Variants in FRMD4A observed in about 807,000 individuals in gnomAD.
FRMD4A encodes the protein FERM domain-containing protein 4A.
In FRMD4A, 29 loss-of-function variants were observed where a neutral mutation model predicts 129.1. The ratio of observed to expected loss-of-function variants is 0.22; its 90% CI spans 0.17 to 0.31. The LOEUF (loss-of-function observed/expected upper bound fraction) is 0.31. Ranked by LOEUF, FRMD4A falls within the 10% of genes least tolerant of loss-of-function variation. FRMD4A has a pLI of 1.00. For missense variants in FRMD4A, 1,272 were observed against 1,375.8 expected (o/e 0.92, Z 1.19); for synonymous variants, 634 against 571.6 (o/e 1.11, Z -1.56).
chr10:14,221,143 A>G (rs1022734497), intron 2 of FRMD4A, among the ~76,000 whole-genome samples: 2 of 152,184 alleles, frequency 1.3e-5, no homozygotes, highest in African/African-American at 2.4e-5. Context: ...GTGCAAACTC[A>G]GGTTCCTCCT....
At chr10:13,829,820 C>A (rs1432954020) in intron 3 of FRMD4A, among the ~76,000 whole-genome samples, 1 of 152,184 alleles carries the variant, frequency 6.6e-6, no homozygotes, top group African/African-American at 2.4e-5. Context: ...GCATGGATCC[C>A]CATCTTTGCT....
At chr10:14,314,828 C>T (rs1235782) in intron 2 of FRMD4A, among the ~76,000 whole-genome samples, 8,062 of 152,172 alleles carry the variant, frequency 0.053, 636 homozygotes, top group African/African-American at 0.17. Flanking sequence ...CCTCTCTATG[C>T]TTACTCATTC....
chr10:13,917,799 T>C (rs548519477), intron 2 of FRMD4A, among the ~76,000 whole-genome samples: 59 of 152,238 alleles, frequency 3.9e-4, no homozygotes, highest in Non-Finnish European at 7.4e-4. Context: ...GGACAGGAAA[T>C]CTGAGCCACA....
At chr10:14,228,988 C>T (rs972182510) in intron 2 of FRMD4A, among the ~76,000 whole-genome samples, 4 of 152,206 alleles carry the variant, frequency 2.6e-5, no homozygotes, top group East Asian at 1.9e-4. Context: ...ATATGCCCCA[C>T]GGTCTAACAC....
chr10:13,799,310 G>A (rs973530668), intron 4 of FRMD4A, among the ~76,000 whole-genome samples: 37 of 152,144 alleles, frequency 2.4e-4, no homozygotes, highest in African/African-American at 7.2e-4. Flanking sequence ...GGCGCAGGCC[G>A]CCATGCCCAG....
chr10:14,200,450 G>C (rs901706252), intron 2 of FRMD4A, among the ~76,000 whole-genome samples: 28 of 152,028 alleles, frequency 1.8e-4, no homozygotes, highest in Non-Finnish European at 2.6e-4. Flanking sequence ...CCCCCACCTT[G>C]CAAGGCTAAT....
At chr10:13,964,669 CTTTTG>C (rs2095472384) in intron 2 of FRMD4A, among the ~76,000 whole-genome samples, 1 of 115,440 alleles carries the variant, frequency 8.7e-6, no homozygotes, top group Non-Finnish European at 1.8e-5. Context: ...AATGCCTCTT[CTTTTG>C]TTTTTTTTTT....
chr10:14,063,275 C>G (rs1018749611), intron 2 of FRMD4A, among the ~76,000 whole-genome samples: 1 of 151,898 alleles, frequency 6.6e-6, no homozygotes, highest in African/African-American at 2.4e-5. Flanking sequence ...TTGAATGACT[C>G]CCAGATGTTG....
At chr10:14,169,033 G>A (rs749430440) in intron 2 of FRMD4A, among the ~76,000 whole-genome samples, 9 of 152,178 alleles carry the variant, frequency 5.9e-5, no homozygotes, top group Non-Finnish European at 1.2e-4. Flanking sequence ...TTTAATAAAT[G>A]CATCATAGTG....
At chr10:14,106,783 G>A (rs1048467732) in intron 2 of FRMD4A, among the ~76,000 whole-genome samples, 1 of 152,140 alleles carries the variant, frequency 6.6e-6, no homozygotes, top group Admixed American at 6.5e-5. Context: ...TGACATAAAA[G>A]TTGCTTTGCA....
At chr10:14,312,710 C>G (rs1288311444) in intron 2 of FRMD4A, among the ~76,000 whole-genome samples, 1 of 150,512 alleles carries the variant, frequency 6.6e-6, no homozygotes, top group African/African-American at 2.4e-5. Flanking sequence ...AAAAAAAATA[C>G]AAAAAATTAG....
At chr10:13,824,662 G>A (rs2093675632) in intron 3 of FRMD4A, among the ~76,000 whole-genome samples, 1 of 152,048 alleles carries the variant, frequency 6.6e-6, no homozygotes. Flanking sequence ...GGAGGCTGAG[G>A]TGTGTGGAAC....
At chr10:13,809,663 G>A (rs532237234) in intron 4 of FRMD4A, among the ~76,000 whole-genome samples, 1 of 152,154 alleles carries the variant, frequency 6.6e-6, no homozygotes, top group Non-Finnish European at 1.5e-5. Flanking sequence ...CAGGACGAGG[G>A]GCCCACCTTG....
intron 8 of FRMD4A, among the ~76,000 whole-genome samples, chr10:13,755,384 C>A (rs895360315): frequency 6.6e-6 from 1 of 152,104 alleles, no homozygotes; most frequent in Non-Finnish European, 1.5e-5. Context: ...AAGAGAAAAC[C>A]AAGAAGGCAC....
At chr10:13,650,110 C>G (rs1309569869) in intron 24 of FRMD4A, among the ~76,000 whole-genome samples, 1 of 152,222 alleles carries the variant, frequency 6.6e-6, no homozygotes, top group East Asian at 1.9e-4. Context: ...CGTCTGATAC[C>G]AGACAGATGG....
chr10:14,265,931 G>A (rs933518642), intron 2 of FRMD4A, among the ~76,000 whole-genome samples: 8 of 152,120 alleles, frequency 5.3e-5, no homozygotes, highest in East Asian at 3.9e-4. Flanking sequence ...CTCTATAAGC[G>A]CAAAGGCATG....
chr10:14,013,984 G>A (rs1341829089), intron 2 of FRMD4A, among the ~76,000 whole-genome samples: 1 of 152,206 alleles, frequency 6.6e-6, no homozygotes, highest in East Asian at 1.9e-4. Context: ...GCCCATGACA[G>A]CTCAGGCATG....
At chr10:13,737,957 A>C (rs775884519) in intron 11 of FRMD4A, 27 bp from the exon 12 acceptor site, 4 of 1,267,284 alleles carry the variant, frequency 3.2e-6, no homozygotes, top group Non-Finnish European at 4.6e-6. Flanking sequence ...AGTTTGGGTG[A>C]ATATGGGACT....
At chr10:13,666,067 TG>T in intron 18 of FRMD4A, 29 bp downstream of exon 18, 1 of 1,387,198 alleles carries the variant, frequency 7.2e-7, no homozygotes, top group Non-Finnish European at 1.0e-6. Flanking sequence ...GGCGTGGGAG[TG>T]GGGTGGGGGC....
Sources: allele counts gnomAD v4.1 joint callset (sites outside exome capture counted in the v4.1 genomes callset), GRCh38; gene constraint gnomAD v4.1.1; transcripts MANE v1.5; gene names NCBI Gene and HGNC (gene_info 2026-07-23, HGNC 2026-07-21).